KDM2B: variants seen among roughly 807,000 people sequenced by gnomAD.
KDM2B encodes the protein lysine demethylase 2B.
KDM2B carries 26 observed loss-of-function variants against 150.0 expected under a neutral mutation model. That is an observed-to-expected ratio of 0.17 (90% confidence interval 0.13 to 0.24). The LOEUF (loss-of-function observed/expected upper bound fraction) is 0.24. Among genes scored for constraint, KDM2B ranks in the 10% least tolerant of loss-of-function variants. The probability of loss-of-function intolerance (pLI) is 1.00; values close to 1 mark genes in which losing one functional copy is unlikely to be tolerated. For synonymous variants in KDM2B, 734 were observed against 729.5 expected (o/e 1.01, Z -0.10); for missense variants, 1,265 against 1,816.9 (o/e 0.70, Z 5.52).
intron 4 of KDM2B, among the ~76,000 whole-genome samples, chr12:121,560,351 G>A (rs1555313675): frequency 1.3e-5 from 2 of 152,176 alleles, no homozygotes; most frequent in African/African-American, 4.8e-5. Context: ...TGTAAAGGCA[G>A]GAAGAAACTG....
At chr12:121,445,232 G>T (rs1555289877) in intron 14 of KDM2B, 43 bp downstream of exon 14, 1 of 1,598,182 alleles carries the variant, frequency 6.3e-7, no homozygotes, top group Admixed American at 1.7e-5. Flanking sequence ...AACCCTACCT[G>T]CCCCAGAGCG....
chr12:121,556,292 G>A (rs1483689232), intron 4 of KDM2B, among the ~76,000 whole-genome samples: 1 of 151,950 alleles, frequency 6.6e-6, no homozygotes, highest in Non-Finnish European at 1.5e-5. Context: ...CTTGAACATG[G>A]CTCACTGTAG....
At chr12:121,514,419 G>C (rs868975626) in intron 9 of KDM2B, among the ~76,000 whole-genome samples, 22 of 151,910 alleles carry the variant, frequency 1.4e-4, no homozygotes, top group Non-Finnish European at 2.5e-4. Context: ...GATTCCACGG[G>C]GGGCAGTTCA....
chr12:121,461,538 G>T (rs1022875108), intron 12 of KDM2B, among the ~76,000 whole-genome samples: 13 of 152,178 alleles, frequency 8.5e-5, no homozygotes, highest in African/African-American at 3.1e-4. Context: ...TCTAGAAGCA[G>T]ACCCAGTTTT....
chr12:121,422,874 G>T, the KDM2B span, among the ~76,000 whole-genome samples: 1 of 152,078 alleles, frequency 6.6e-6, no homozygotes, highest in Admixed American at 6.5e-5. Flanking sequence ...TGATTCTAAG[G>T]CTAGGGAGGG....
intron 12 of KDM2B, among the ~76,000 whole-genome samples, chr12:121,483,421 CT>C (rs1348270480): frequency 6.6e-6 from 1 of 152,194 alleles, no homozygotes; most frequent in African/African-American, 2.4e-5. Flanking sequence ...GCCTGTAATC[CT>C]AGCACTTTGG....
At chr12:121,557,586 C>A (rs141462778) in intron 4 of KDM2B, among the ~76,000 whole-genome samples, 1 of 152,016 alleles carries the variant, frequency 6.6e-6, no homozygotes. Flanking sequence ...AAGACAGCCA[C>A]GTGAAGACGG....
Position 121,573,716 on chromosome 12 carries a change from C to T in KDM2B, c.397+831G>A, listed in dbSNP as rs376045067. Among the ~76,000 whole-genome samples the T allele has an allele frequency of 3.3e-5, 5 of 151,954 alleles. No homozygotes were observed. In the South Asian group the frequency reaches 8.3e-4, roughly 25 times the overall value. ...CATTCTCCTGCCTCAGCCTCCCGAG[C>T]AGCTGGGACCACAGGCGCCCGCCAC... On this transcript the variant is annotated intron_variant, in intron 4 of 22. Transcript: ENST00000377071.
At chr12:121,552,971 G>A (rs1369515119) in intron 4 of KDM2B, among the ~76,000 whole-genome samples, 3 of 152,132 alleles carry the variant, frequency 2.0e-5, no homozygotes, top group Non-Finnish European at 4.4e-5. Flanking sequence ...GGTGGCTCAC[G>A]CCTGTAATCC....
At chr12:121,493,809 T>G (rs1364079131) in intron 12 of KDM2B, 1 of 152,220 alleles carries the variant, frequency 6.6e-6, no homozygotes, top group Non-Finnish European at 1.5e-5. Context: ...ATTATTCCTC[T>G]TCCTCATGTC....
At chr12:121,435,179 A>G (rs1260061790) in intron 22 of KDM2B, among the ~76,000 whole-genome samples, 5 of 152,196 alleles carry the variant, frequency 3.3e-5, no homozygotes, top group Admixed American at 2.6e-4. Flanking sequence ...AAAACAGAAA[A>G]AAAGTCTGGA....
intron 11 of KDM2B, among the ~76,000 whole-genome samples, chr12:121,506,249 G>A (rs973919803): frequency 6.6e-6 from 1 of 151,938 alleles, no homozygotes; most frequent in African/African-American, 2.4e-5. Context: ...TCGTGTGATC[G>A]GCCTTCCAAA....
At chr12:121,580,598 C>T in intron 1 of KDM2B, 188 bp downstream of exon 1, 6 of 360,028 alleles carry the variant, frequency 1.7e-5, no homozygotes, top group South Asian at 2.9e-5. Context: ...GAGGAGGGGG[C>T]GGGGAGGGAG....
intron 4 of KDM2B, among the ~76,000 whole-genome samples, chr12:121,561,013 TC>T (rs1555313762): frequency 2.0e-5 from 3 of 152,076 alleles, no homozygotes; most frequent in Non-Finnish European, 2.9e-5. Context: ...TGCCTGGAGT[TC>T]CTAGGCAGGC....
intron 13 of KDM2B, among the ~76,000 whole-genome samples, chr12:121,446,191 C>A (rs193002779): frequency 6.6e-6 from 1 of 152,062 alleles, no homozygotes; most frequent in African/African-American, 2.4e-5. Context: ...GTCAGGAGAT[C>A]GAGACCATCC....
At chr12:121,517,893 C>T (rs1886360902) in intron 9 of KDM2B, among the ~76,000 whole-genome samples, 1 of 151,654 alleles carries the variant, frequency 6.6e-6, no homozygotes, top group African/African-American at 2.4e-5. Context: ...ACTCTTAAAA[C>T]ACTTTTTTTG....
intron 12 of KDM2B, chr12:121,469,373 T>C (rs1724047783): frequency 6.7e-6 from 1 of 148,216 alleles, no homozygotes; most frequent in Non-Finnish European, 1.5e-5. Flanking sequence ...CCCAGCACTT[T>C]TGGGAGGCTG....
chr12:121,549,403 C>G lies in KDM2B; in HGVS notation c.576+57G>C. Reference sequence around the variant, plus strand: ...AGGCACAACCCAGGTGGCAGGGGGACAGGGAAGGAGATGAGGTGGAAGGTA... The same window carrying G: ...AGGCACAACCCAGGTGGCAGGGGGAGAGGGAAGGAGATGAGGTGGAAGGTA... On this transcript the variant is annotated intron_variant, in intron 5 of 22. Coordinates refer to ENST00000377071, the MANE Select transcript of KDM2B (RefSeq NM_032590.5). This position sits in a 1 kb window ranked among gnomAD's most constrained non-coding sequence, Gnocchi z 4.4. The G allele has an allele frequency of 6.8e-7, 1 of 1,476,414 alleles. No homozygotes were observed. The highest frequency in any genetic ancestry group is 9.2e-7 in the Non-Finnish European group (1 of 1,089,834). The allele number at this position is 1,476,414 out of a possible 1,614,324, so 91.5% of individuals were successfully genotyped here.
At chr12:121,524,086 C>T (rs1422237067) in intron 8 of KDM2B, among the ~76,000 whole-genome samples, 1 of 151,928 alleles carries the variant, frequency 6.6e-6, no homozygotes, top group Non-Finnish European at 1.5e-5. Context: ...GATTGGGACC[C>T]GGGACCACCG....
Sources: gnomAD v4.1 joint callset for allele counts (sites outside exome capture counted in the v4.1 genomes callset) on GRCh38, gnomAD v4.1.1 for gene constraint, Gnocchi (gnomAD v3.1) non-coding constraint, MANE v1.5 for transcripts, NCBI Gene and HGNC (gene_info 2026-07-23, HGNC 2026-07-21) for gene names.